The following DGKI variants were observed in gnomAD, a reference collection of about 807,000 sequenced individuals.
The protein encoded by DGKI is DAG kinase iota.
A neutral mutation model predicts 147.5 loss-of-function variants in DGKI; 55 were observed. That is an observed-to-expected ratio of 0.37 (90% CI 0.30 to 0.47). The LOEUF (loss-of-function observed/expected upper bound fraction) is 0.47. DGKI is among the 20% of genes least tolerant of loss of function. DGKI has a pLI of 1.00. For missense variants in DGKI, 1,007 were observed against 1,323.8 expected (o/e 0.76, Z 3.71); for synonymous variants, 469 against 477.1 (o/e 0.98, Z 0.22).
chr7:137,487,566 A>C, intron 22 of DGKI, 44 bp downstream of exon 22: 1 of 1,525,474 alleles, frequency 6.6e-7, no homozygotes. Context: ...TGTTTACAAA[A>C]ATGGAAAGTT....
intron 27 of DGKI, among the ~76,000 whole-genome samples, chr7:137,458,808 G>A (rs1455854161): frequency 2.0e-5 from 3 of 152,032 alleles, no homozygotes; most frequent in Non-Finnish European, 4.4e-5. Context: ...AATCGTGGTG[G>A]TACAATTAAT....
intron 28 of DGKI, among the ~76,000 whole-genome samples, chr7:137,417,952 A>G (rs1015879068): frequency 6.6e-6 from 1 of 152,218 alleles, no homozygotes; most frequent in African/African-American, 2.4e-5. Context: ...ATAAATTTCT[A>G]TTACTTAAAC....
intron 21 of DGKI, among the ~76,000 whole-genome samples, chr7:137,499,467 A>G (rs1024888686): frequency 6.6e-6 from 1 of 152,138 alleles, no homozygotes; most frequent in African/African-American, 2.4e-5. Flanking sequence ...GTGAGTAAAG[A>G]AGACCCACCC....
chr7:137,823,436 A>C (rs1259761995), intron 1 of DGKI, among the ~76,000 whole-genome samples: 3 of 152,108 alleles, frequency 2.0e-5, no homozygotes, highest in Non-Finnish European at 4.4e-5. Flanking sequence ...TAAATATCTG[A>C]CTCCCATGTA....
intron 1 of DGKI, among the ~76,000 whole-genome samples, chr7:137,724,066 AAGAGAG>A (rs34250953): frequency 1.3e-5 from 2 of 149,834 alleles, no homozygotes; most frequent in African/African-American, 4.9e-5. Flanking sequence ...TACATTAGGT[AAGAGAG>A]AGAGAGAGAG....
At chr7:137,748,351 A>C (rs1795403752) in intron 1 of DGKI, among the ~76,000 whole-genome samples, 1 of 151,986 alleles carries the variant, frequency 6.6e-6, no homozygotes, top group Non-Finnish European at 1.5e-5. Flanking sequence ...ATTGTGGTTA[A>C]AGAAAAAAAA....
chr7:137,479,918 T>G (rs1014195673), intron 23 of DGKI, among the ~76,000 whole-genome samples: 7 of 152,172 alleles, frequency 4.6e-5, no homozygotes, highest in African/African-American at 1.7e-4. Flanking sequence ...CAAATAGGTT[T>G]GCTACTATTT....
In DGKI at chr7:137,559,245, G is replaced by A. The variant is rs1818334526; in HGVS notation, c.1948-6677C>T. ...CGCCACTACGCCCGGCTAATTTTTTGTATTTTTAGTAGAGACGGGGTTTCA... is the reference window on the plus strand; with the variant it reads ...CGCCACTACGCCCGGCTAATTTTTTATATTTTTAGTAGAGACGGGGTTTCA... On this transcript the variant is annotated intron_variant, in intron 19 of 32. Coordinates refer to ENST00000614521, the MANE Select transcript of DGKI (RefSeq NM_001321708.2). Among the ~76,000 whole-genome samples, 3 of 150,404 alleles carry A rather than the reference G, an allele frequency of 2.0e-5. 1 individual carries two copies. The South Asian group carries it at 6.3e-4, about 32-fold the overall frequency.
intron 21 of DGKI, among the ~76,000 whole-genome samples, chr7:137,491,175 G>A (rs1815749891): frequency 6.6e-6 from 1 of 152,168 alleles, no homozygotes; most frequent in Non-Finnish European, 1.5e-5. Flanking sequence ...GGCAGTACCG[G>A]GTGCCTCAGG....
intron 1 of DGKI, among the ~76,000 whole-genome samples, chr7:137,697,577 T>G (rs1176163001): frequency 6.6e-6 from 1 of 152,206 alleles, no homozygotes; most frequent in Admixed American, 6.6e-5. Context: ...CATTAACTTC[T>G]CTTTCGGTCT....
chr7:137,831,510 A>C (rs561774264), intron 1 of DGKI, among the ~76,000 whole-genome samples: 2 of 152,364 alleles, frequency 1.3e-5, no homozygotes, highest in Non-Finnish European at 2.9e-5. Flanking sequence ...AAACCATCAT[A>C]TCTCATGAGA....
At chr7:137,633,356 C>T in intron 6 of DGKI, among the ~76,000 whole-genome samples, 1 of 152,092 alleles carries the variant, frequency 6.6e-6, no homozygotes, top group Non-Finnish European at 1.5e-5. Flanking sequence ...CTGGCACAAC[C>T]CCAAGACTGG....
Position 137,581,926 on chromosome 7 carries a change from G to C in DGKI, c.1566C>G (p.Leu522=). 6.2e-7 allele frequency: 1 copy of C among 1,612,926 alleles called. No homozygotes were observed. Among genetic ancestry groups the C allele is most frequent in the South Asian group, 1.1e-5 (1 of 90,974 alleles). The change falls in exon 15 of 33, where the codon CTC becomes CTG. Residue 522 remains leucine (L), a splice_region_variant and synonymous_variant. Coordinates refer to ENST00000614521, the MANE Select transcript of DGKI (RefSeq NM_001321708.2). ...PEELEDGVCK[L]PLNVFNNYFS... ...AGTAGTTATTGAAAACATTCAGAGG[G>C]AGCTGCAATGATAAACAAAGACAGA...
intron 1 of DGKI, among the ~76,000 whole-genome samples, chr7:137,705,073 A>C (rs1241084016): frequency 1.3e-5 from 2 of 152,176 alleles, no homozygotes; most frequent in African/African-American, 4.8e-5. Context: ...ATGTGATTTC[A>C]TTTCACTAAA....
At chr7:137,697,393 A>G (rs189146323) in intron 1 of DGKI, among the ~76,000 whole-genome samples, 1 of 152,354 alleles carries the variant, frequency 6.6e-6, no homozygotes, top group African/African-American at 2.4e-5. Context: ...CATCTGACCA[A>G]GTTTTATTTA....
rs1811096795 is a variant in DGKI at position 137,383,114 on chromosome 7, G to A, written c.*8106C>T. Reference sequence around the variant, plus strand: ...AACAACAAATGGGTAGTAAGTAGGGGAAAGAACACTAAATCCTTTGTTTTC... The same window carrying A: ...AACAACAAATGGGTAGTAAGTAGGGAAAAGAACACTAAATCCTTTGTTTTC... On this transcript the variant is annotated 3_prime_UTR_variant, in exon 33 of 33. Transcript: ENST00000614521. 1 of 151,868 alleles carries A rather than the reference G, an allele frequency of 6.6e-6. No homozygotes were observed. Among genetic ancestry groups the A allele is most frequent in the Admixed American group, 6.6e-5 (1 of 15,234 alleles). 9.4% of individuals were successfully genotyped at this position (151,868 alleles called of 1,614,324 possible).
intron 21 of DGKI, among the ~76,000 whole-genome samples, chr7:137,518,610 G>A (rs1816859410): frequency 6.6e-6 from 1 of 151,944 alleles, no homozygotes; most frequent in Non-Finnish European, 1.5e-5. Flanking sequence ...GCTTCAAGCT[G>A]GTTTCTACTG....
chr7:137,592,661 C>T (rs1409292211), intron 12 of DGKI, among the ~76,000 whole-genome samples: 7 of 152,260 alleles, frequency 4.6e-5, no homozygotes, highest in South Asian at 4.1e-4. Flanking sequence ...AGGACACTCA[C>T]GTTTGGAAAT....
intron 1 of DGKI, among the ~76,000 whole-genome samples, chr7:137,778,608 A>G (rs1796432463): frequency 6.6e-6 from 1 of 152,088 alleles, no homozygotes. Context: ...TAAAAAAAAA[A>G]ACTACTCAAA....
Sources: gnomAD v4.1 joint callset for allele counts (sites outside exome capture counted in the v4.1 genomes callset) on GRCh38, gnomAD v4.1.1 for gene constraint, MANE v1.5 for transcripts, NCBI Gene and HGNC (gene_info 2026-07-23, HGNC 2026-07-21) for gene names.